Variants in EPHA3 observed in about 807,000 individuals in gnomAD.
EPHA3 encodes EPH receptor A3, also known as ephrin type-A receptor 3.
Under a neutral mutation model 107.1 loss-of-function variants are expected in EPHA3, and 42 were observed. The observed-to-expected ratio is 0.39, with a 90% CI of 0.31 to 0.51. The LOEUF (loss-of-function observed/expected upper bound fraction) is 0.51. Among genes scored for constraint, EPHA3 ranks in the 20% least tolerant of loss-of-function variants. The pLI is 0.78. For missense variants in EPHA3, 1,183 were observed against 1,211.2 expected (o/e 0.98, Z 0.35); for synonymous variants, 461 against 424.8 (o/e 1.09, Z -1.05).
intron 2 of EPHA3, among the ~76,000 whole-genome samples, chr3:89,155,086 C>T (rs1438697687): frequency 1.3e-5 from 2 of 151,346 alleles, no homozygotes. Flanking sequence ...TAGTGCTGTA[C>T]ATTAAATATA....
chr3:89,167,487 A>G (rs536137630), intron 2 of EPHA3, among the ~76,000 whole-genome samples: 4 of 152,226 alleles, frequency 2.6e-5, no homozygotes, highest in Non-Finnish European at 4.4e-5. Flanking sequence ...GGGAGAAATA[A>G]CATTACAAAA....
At position 89,335,060 on chromosome 3, in the gene EPHA3, T is replaced by C. The variant is rs557557226; in HGVS notation, c.815-5856T>C. On this transcript the variant is annotated intron_variant, in intron 3 of 16. Transcript: ENST00000336596. Reference sequence around the variant, plus strand: ...CCATGATATGAAACTGATCTCCTTTTTAAAAGCTGGGATTTTGACTTTTAT... The same window carrying C: ...CCATGATATGAAACTGATCTCCTTTCTAAAAGCTGGGATTTTGACTTTTAT... 2.1e-3 allele frequency among the ~76,000 whole-genome samples: 320 copies of C among 152,328 alleles called. 2 individuals carry two copies. The South Asian group carries it at 0.022, about 11-fold the overall frequency.
Position 89,219,688 on chromosome 3 carries a change from G to GTGTTTTTTTTTTTTTTT in EPHA3, c.814+9169_814+9170insGTTTTTTTTTTTTTTTT. 4.9e-3 allele frequency among the ~76,000 whole-genome samples: 168 copies of GTGTTTTTTTTTTTTTTT among 34,438 alleles called. 76 individuals carry two copies. Among genetic ancestry groups the GTGTTTTTTTTTTTTTTT allele is most frequent in the Middle Eastern group, 0.036 (2 of 56 alleles). 22.6% of individuals were successfully genotyped at this position (34,438 alleles called of 152,430 possible). ...TTACCTCCAAGAGGCATTTGGCAAT[G>GTGTTTTTTTTTTTTTTT]TTTTTTTTTTTTTTGTTTTTTGTTT... is the stretch of plus-strand genomic sequence containing the variant. On this transcript the variant is annotated intron_variant, in intron 3 of 16. Transcript: ENST00000336596.
At chr3:89,304,011 A>ATTGAACATCTTTAGACCATTT in intron 3 of EPHA3, among the ~76,000 whole-genome samples, 1 of 152,126 alleles carries the variant, frequency 6.6e-6, no homozygotes, top group East Asian at 1.9e-4. Flanking sequence ...ACTATTGAAC[A>ATTGAACATCTTTAGACCATTT]TCTTTAGACC....
chr3:89,382,746 T>C (rs146980879), intron 5 of EPHA3, among the ~76,000 whole-genome samples: 2 of 152,248 alleles, frequency 1.3e-5, no homozygotes, highest in East Asian at 3.9e-4. Flanking sequence ...CTGACAGGAT[T>C]AGGACAGAAG....
intron 3 of EPHA3, among the ~76,000 whole-genome samples, chr3:89,224,241 T>A (rs1704448065): frequency 6.6e-6 from 1 of 152,168 alleles, no homozygotes; most frequent in African/African-American, 2.4e-5. Flanking sequence ...TATTCAAAAT[T>A]AAGCTTCATA....
chr3:89,199,162 C>T (rs1168495385), intron 2 of EPHA3, among the ~76,000 whole-genome samples: 2 of 152,096 alleles, frequency 1.3e-5, no homozygotes, highest in Non-Finnish European at 2.9e-5. Flanking sequence ...TGAATGTCAA[C>T]AGTGTATTTT....
At chr3:89,417,118 G>C (rs1374394302) in intron 10 of EPHA3, among the ~76,000 whole-genome samples, 1 of 151,444 alleles carries the variant, frequency 6.6e-6, no homozygotes, top group African/African-American at 2.4e-5. Context: ...CTGTGTGTCT[G>C]GCACTGTTTC....
At chr3:89,131,590 G>T (rs1248982659) in intron 2 of EPHA3, among the ~76,000 whole-genome samples, 2 of 152,144 alleles carry the variant, frequency 1.3e-5, no homozygotes, top group Non-Finnish European at 2.9e-5. Context: ...TATTGATATT[G>T]TGATTAACTA....
At chr3:89,374,203 G>C (rs1485833664) in intron 5 of EPHA3, among the ~76,000 whole-genome samples, 1 of 151,870 alleles carries the variant, frequency 6.6e-6, no homozygotes, top group Non-Finnish European at 1.5e-5. Context: ...ACATACAAAA[G>C]AGAACTGCAA....
chr3:89,372,601 G>C (rs1052084417), intron 5 of EPHA3, among the ~76,000 whole-genome samples: 1 of 151,738 alleles, frequency 6.6e-6, no homozygotes, highest in Non-Finnish European at 1.5e-5. Flanking sequence ...AATCACAAAA[G>C]AGAAAATTAA....
chr3:89,389,759 C>G (rs1259330281), intron 5 of EPHA3, among the ~76,000 whole-genome samples: 1 of 152,200 alleles, frequency 6.6e-6, no homozygotes, highest in Non-Finnish European at 1.5e-5. Context: ...AATTCTAACA[C>G]AAATTGTGAA....
intron 3 of EPHA3, among the ~76,000 whole-genome samples, chr3:89,217,151 A>G (rs975892569): frequency 2.6e-5 from 4 of 152,174 alleles, no homozygotes; most frequent in Non-Finnish European, 5.9e-5. Context: ...GGTTTACATT[A>G]CAGCTCTGAC....
At chr3:89,126,404 A>G (rs1704097424) in intron 1 of EPHA3, among the ~76,000 whole-genome samples, 4 of 151,742 alleles carry the variant, frequency 2.6e-5, no homozygotes, top group African/African-American at 9.7e-5. Context: ...TTACAAATGA[A>G]TATTCAGTAT....
intron 4 of EPHA3, among the ~76,000 whole-genome samples, chr3:89,341,323 G>A (rs2107418292): frequency 6.6e-6 from 1 of 152,278 alleles, no homozygotes; most frequent in South Asian, 2.1e-4. Context: ...TCTGTGTCTT[G>A]TTTAGATCCT....
At chr3:89,249,523 C>T (rs1404644461) in intron 3 of EPHA3, among the ~76,000 whole-genome samples, 3 of 152,094 alleles carry the variant, frequency 2.0e-5, no homozygotes, top group Non-Finnish European at 4.4e-5. Flanking sequence ...TGCAGTGGCA[C>T]AATCTCTGCT....
intron 3 of EPHA3, among the ~76,000 whole-genome samples, chr3:89,326,658 A>C (rs879822947): frequency 2.0e-5 from 3 of 151,718 alleles, no homozygotes; most frequent in African/African-American, 7.3e-5. Flanking sequence ...CTAAAGTGCT[A>C]AGATTTCAGG....
chr3:89,426,522 A>G (rs537105946), intron 11 of EPHA3, among the ~76,000 whole-genome samples: 6 of 151,936 alleles, frequency 3.9e-5, no homozygotes, highest in African/African-American at 1.2e-4. Flanking sequence ...CTAGAGTTAA[A>G]TGCACGCTGA....
rs546207311 is a variant in EPHA3 at position 89,127,887 on chromosome 3, T to G, written c.153+614T>G. 1.1e-3 allele frequency among the ~76,000 whole-genome samples: 169 copies of G among 152,210 alleles called. 2 individuals are homozygous for G. In the South Asian group the frequency reaches 0.017, roughly 15 times the overall value. On this transcript the variant is annotated intron_variant, in intron 2 of 16. Coordinates refer to ENST00000336596, the MANE Select transcript of EPHA3 (RefSeq NM_005233.6). ...ACAAATTACAGAGTGTGTAGCATAT[T>G]GGTGTTCTGAATGACTATAATGAGG...
Sources: gnomAD v4.1 joint callset for allele counts (sites outside exome capture counted in the v4.1 genomes callset) on GRCh38, gnomAD v4.1.1 for gene constraint, MANE v1.5 for transcripts, NCBI Gene and HGNC (gene_info 2026-07-23, HGNC 2026-07-21) for gene names.